The following SMARCC2 variants were observed in gnomAD, a reference collection of about 807,000 sequenced individuals.
SMARCC2 encodes SWI/SNF related BAF chromatin remodeling complex subunit C2.
In SMARCC2, 15 loss-of-function variants were observed where a neutral mutation model predicts 151.3. That is an observed-to-expected ratio of 0.10 (90% CI 0.07 to 0.15). The LOEUF (loss-of-function observed/expected upper bound fraction) is 0.15, where lower values mean the gene tolerates loss of function less well. SMARCC2 is among the 10% of genes least tolerant of loss of function. The pLI is 1.00. For missense variants in SMARCC2, 1,031 were observed against 1,599.7 expected (o/e 0.64, Z 6.06); for synonymous variants, 590 against 609.5 (o/e 0.97, Z 0.47).
rs1450322706 is a variant in SMARCC2 at position 56,181,741 on chromosome 12, C to T, written c.803G>A (p.Arg268His). The T allele has an allele frequency of 5.6e-6, 9 of 1,613,988 alleles. No individual in the cohort carries two copies. The highest frequency in any genetic ancestry group is 4.4e-5 in the South Asian group (4 of 91,084). ...EVNDDKNPVSRRKKISAKTLT... is the reference protein window; with the variant it reads ...EVNDDKNPVSHRKKISAKTLT... ...TGTCTTGGCTGAAATCTTCTTTCGG[C>T]GGGAGACAGGGTTTTTGTCATCATT... Residue 268 changes from arginine (R) to histidine (H), a missense_variant, in exon 9 of 29, where the codon CGC (arginine) becomes CAC (histidine). Physicochemically the swap from Arg to His is conservative, Grantham distance 29. This residue lies in a region of SMARCC2 where 123 missense variants were observed against 190.4 expected (regional missense o/e 0.65). Coordinates refer to ENST00000550164, the MANE Select transcript of SMARCC2 (RefSeq NM_001330288.2).
chr12:56,184,801 C>T, intron 5 of SMARCC2, 43 bp downstream of exon 5: 3 of 1,173,184 alleles, frequency 2.6e-6, no homozygotes, highest in Non-Finnish European at 3.8e-6. Context: ...ACTGGGAAAA[C>T]AGTCATGGAG....
At chr12:56,181,651 T>C in intron 9 of SMARCC2, 53 bp downstream of exon 9, 2 of 1,613,572 alleles carry the variant, frequency 1.2e-6, no homozygotes, top group Non-Finnish European at 1.7e-6. Context: ...ACTGAAGATT[T>C]GTTCTGAGAC....
At chr12:56,185,916 A>C in intron 3 of SMARCC2, 2 of 523,062 alleles carry the variant, frequency 3.8e-6, no homozygotes, top group Non-Finnish European at 6.7e-6. Context: ...AAAAGGTTTG[A>C]GATGCCAACC....
chr12:56,171,261 C>G lies in SMARCC2; in HGVS notation c.2347+10G>C, dbSNP rs755478049. 1 of 1,613,840 alleles carries G rather than the reference C, an allele frequency of 6.2e-7. No homozygotes were observed. Among genetic ancestry groups the G allele is most frequent in the Non-Finnish European group, 8.5e-7 (1 of 1,179,748 alleles). ...AAAGGCAAGAAATCTGGGAACCTGC[C>G]TGGCCTTACCAATCCGCTCAGGCTC... On this transcript the variant is annotated intron_variant, in intron 22 of 28. Transcript: ENST00000550164. The surrounding 1 kb of genome is among the most constrained non-coding windows in gnomAD (Gnocchi z 4.2).
Position 56,183,944 on chromosome 12 carries a change from A to G in SMARCC2, c.563-14T>C. 6.3e-7 allele frequency: 1 copy of G among 1,598,888 alleles called. No individual in the cohort carries two copies. The highest frequency in any genetic ancestry group is 1.1e-5 in the South Asian group (1 of 90,460). ...GTACCCATTCCTCTGGGGATAGAGG[A>G]AGAGAAGGGAGAGATATAAGCTAAA... On this transcript the variant is annotated splice_polypyrimidine_tract_variant and intron_variant, in intron 6 of 28. Coordinates refer to ENST00000550164, the MANE Select transcript of SMARCC2 (RefSeq NM_001330288.2).
In SMARCC2 at chr12:56,173,692, C is replaced by A. The variant is rs557948225; in HGVS notation, c.1650+4G>T. The A allele has an allele frequency of 1.2e-6, 2 of 1,610,714 alleles. No homozygotes were observed. Among genetic ancestry groups the A allele is most frequent in the Admixed American group, 1.7e-5 (1 of 59,618 alleles). On this transcript the variant is annotated splice_donor_region_variant and intron_variant, in intron 17 of 28. Transcript: ENST00000550164. ...CGCCCCATCCCCATAGCACCTCACC[C>A]TACCTGAGGTGTCTTGGGCTGCAGA...
In SMARCC2 at chr12:56,182,479, T is replaced by C. The variant is rs995172166; in HGVS notation, c.633-400A>G. Among the ~76,000 whole-genome samples the C allele has an allele frequency of 3.7e-4, 56 of 151,564 alleles. 1 individual carries two copies. The highest frequency in any genetic ancestry group is 1.5e-5 in the Non-Finnish European group (1 of 67,880). ...AGCTGGGATTACAGGTGCCTGCCAC[T>C]GCGCCCGGCTAATTTTTATATTTTT... On this transcript the variant is annotated intron_variant, in intron 7 of 28. Coordinates refer to ENST00000550164, the MANE Select transcript of SMARCC2 (RefSeq NM_001330288.2).
intron 15 of SMARCC2, among the ~76,000 whole-genome samples, chr12:56,175,689 T>C (rs1200252653): frequency 6.6e-6 from 1 of 152,188 alleles, no homozygotes; most frequent in African/African-American, 2.4e-5. Flanking sequence ...TTACTAGCTC[T>C]GTGACTTTAT....
rs1396416924 is a variant in SMARCC2, at chr12:56,171,590, C to A, written c.2185+89G>T. On this transcript the variant is annotated intron_variant, in intron 21 of 28. Coordinates refer to ENST00000550164, the MANE Select transcript of SMARCC2 (RefSeq NM_001330288.2). The surrounding 1 kb of genome is among the most constrained non-coding windows in gnomAD (Gnocchi z 4.2). ...GCCCGCACAGACAAGGCCAGCAGGG[C>A]AGCCAAACTTGAGAGGATTCACAGT... 1 of 1,498,898 alleles carries A rather than the reference C, an allele frequency of 6.7e-7. No individual in the cohort carries two copies. 92.8% of individuals were successfully genotyped at this position (1,498,898 alleles called of 1,614,324 possible).
At chr12:56,164,854 T>C in intron 27 of SMARCC2, 123 bp from the exon 28 acceptor site, 2 of 842,988 alleles carry the variant, frequency 2.4e-6, no homozygotes, top group Non-Finnish European at 1.8e-6. Context: ...AGTGGCACGA[T>C]CTTGGCTCAC....
chr12:56,166,617 T>A (rs1277724012), intron 26 of SMARCC2, among the ~76,000 whole-genome samples: 2 of 149,654 alleles, frequency 1.3e-5, no homozygotes, highest in Non-Finnish European at 3.0e-5. Context: ...TGAGATAGGG[T>A]CTCACTCTGT....
intron 11 of SMARCC2, among the ~76,000 whole-genome samples, chr12:56,180,694 G>A (rs577835362): frequency 5.9e-5 from 9 of 152,264 alleles, no homozygotes; most frequent in South Asian, 4.1e-4. Flanking sequence ...ATAAGCCACC[G>A]TGCCTGGCCA....
intron 7 of SMARCC2, among the ~76,000 whole-genome samples, chr12:56,182,978 T>C (rs1876531667): frequency 6.7e-6 from 1 of 149,274 alleles, no homozygotes; most frequent in African/African-American, 2.5e-5. Flanking sequence ...GGACTACAGG[T>C]GCATGCCACC....
At chr12:56,184,640 A>G (rs1253037245) in intron 5 of SMARCC2, 3 of 583,186 alleles carry the variant, frequency 5.1e-6, no homozygotes, top group Admixed American at 3.0e-5. Context: ...TCTCTAGAAC[A>G]GTAATGCAAA....
In SMARCC2 at chr12:56,177,268, G is replaced by A. The variant is rs146279844; in HGVS notation, c.1382+754C>T. Among the ~76,000 whole-genome samples, 468 of 152,200 alleles carry A rather than the reference G, an allele frequency of 3.1e-3. 4 individuals carry two copies. Among genetic ancestry groups the A allele is most frequent in the African/African-American group, 8.8e-3 (367 of 41,510 alleles). On this transcript the variant is annotated intron_variant, in intron 15 of 28. Coordinates refer to ENST00000550164, the MANE Select transcript of SMARCC2 (RefSeq NM_001330288.2). ...CTTGTTCATTAATTTTTTTAGATACGGGGTCTTGCCGTGTCAGCCAGGCTG... is the reference window on the plus strand; with the variant it reads ...CTTGTTCATTAATTTTTTTAGATACAGGGTCTTGCCGTGTCAGCCAGGCTG...
rs776936524 is a variant in SMARCC2, at chr12:56,172,608, T to C, written c.1840A>G (p.Thr614Ala). The C allele has an allele frequency of 6.2e-7, 1 of 1,614,218 alleles. No homozygotes were observed. Among genetic ancestry groups the C allele is most frequent in the East Asian group, 2.2e-5 (1 of 44,880 alleles). Residue 614 changes from threonine to alanine, a missense_variant, in exon 19 of 29, where the codon ACA becomes GCA. Coordinates refer to ENST00000550164, the MANE Select transcript of SMARCC2 (RefSeq NM_001330288.2). ...ACCTTGGAGGGAACATTCTTTTTTG[T>C]GTACATGTCTGTGCGCAGCCCAAAG... ...QNFGLRTDMY[T>A]KKNVPSKSKA...
chr12:56,168,256 G>A, intron 25 of SMARCC2, 62 bp from the exon 26 acceptor site: 1 of 1,592,028 alleles, frequency 6.3e-7, no homozygotes, highest in Non-Finnish European at 8.6e-7. Flanking sequence ...CAATACAGAA[G>A]AAAGGTAGGG....
chr12:56,181,471 G>A lies in SMARCC2; in HGVS notation c.956+11C>T. On this transcript the variant is annotated intron_variant, in intron 10 of 28. Coordinates refer to ENST00000550164, the MANE Select transcript of SMARCC2 (RefSeq NM_001330288.2). ...ATGGTGAACACGGGGGCAGGCTAGGGGCTGGCACACCCTTTCTTAGCATTT... is the reference window on the plus strand; with the variant it reads ...ATGGTGAACACGGGGGCAGGCTAGGAGCTGGCACACCCTTTCTTAGCATTT... 1.4e-6 allele frequency: 2 copies of A among 1,458,242 alleles called. No individual in the cohort carries two copies. The highest frequency in any genetic ancestry group is 1.9e-6 in the Non-Finnish European group (2 of 1,078,054). 90.3% of individuals were successfully genotyped at this position (1,458,242 alleles called of 1,614,324 possible).
At chr12:56,181,377 AC>A in intron 10 of SMARCC2, 104 bp downstream of exon 10, 1 of 733,206 alleles carries the variant, frequency 1.4e-6, no homozygotes. Flanking sequence ...ATTATGGCAC[AC>A]CCAGGTCAGG....
Sources: allele counts gnomAD v4.1 joint callset (sites outside exome capture counted in the v4.1 genomes callset), GRCh38; gene constraint gnomAD v4.1.1; regional missense constraint gnomAD v4.1.1; non-coding constraint Gnocchi (gnomAD v3.1); transcripts MANE v1.5; gene names NCBI Gene and HGNC (gene_info 2026-07-23, HGNC 2026-07-21).